The following FAT4 variants were observed in gnomAD, a reference collection of about 807,000 sequenced individuals.
FAT4 encodes the protein FAT atypical cadherin 4, also known as protocadherin Fat 4.
A neutral mutation model predicts 303.9 loss-of-function variants in FAT4; 84 were observed. The ratio of observed to expected loss-of-function variants is 0.28; its 90% CI spans 0.23 to 0.33. FAT4 has a LOEUF of 0.33. Among genes scored for constraint, FAT4 ranks in the 10% least tolerant of loss-of-function variants. FAT4 has a pLI of 1.00. For synonymous variants in FAT4, 2,307 were observed against 2,298.8 expected, an observed-to-expected ratio of 1.00 and a Z score of -0.10; for missense variants, 6,005 against 6,146.8, an observed-to-expected ratio of 0.98 and a Z score of 0.77.
intron 7 of FAT4, among the ~76,000 whole-genome samples, chr4:125,431,754 C>T (rs1305054515): frequency 6.6e-6 from 1 of 152,044 alleles, no homozygotes. Flanking sequence ...CCATCCTTTG[C>T]CTCTCTGGAA....
rs2126060805 is a variant in FAT4, at chr4:125,451,434, T to A, written c.10424T>A (p.Leu3475His). 1 of 1,614,140 alleles carries A rather than the reference T, an allele frequency of 6.2e-7. No individual in the cohort carries two copies. The highest frequency in any genetic ancestry group is 1.1e-5 in the South Asian group (1 of 91,084). Residue 3475 changes from leucine to histidine, a missense_variant, in exon 10 of 18, where the codon CTT (leucine) becomes CAT (histidine). Physicochemically the swap from Leu to His is moderately conservative, Grantham distance 99. Transcript: ENST00000394329. ...TVTAELDRETLPIYNLSVLAV... is the reference protein window; with the variant it reads ...TVTAELDRETHPIYNLSVLAV... ...ACTGCAGAATTAGATCGAGAAACCC[T>A]TCCCATCTATAATCTCTCAGTTTTG...
At chr4:125,462,112 T>C (rs929953349) in intron 10 of FAT4, among the ~76,000 whole-genome samples, 7 of 151,960 alleles carry the variant, frequency 4.6e-5, no homozygotes, top group African/African-American at 1.2e-4. Flanking sequence ...GAAAAAATGT[T>C]GTGTTTATGA....
intron 2 of FAT4, among the ~76,000 whole-genome samples, chr4:125,348,451 C>A (rs549907592): frequency 2.9e-4 from 44 of 151,658 alleles, no homozygotes; most frequent in Middle Eastern, 6.8e-3. Context: ...GTATCCCCAG[C>A]GCTGATCCTG....
At chr4:125,470,537 C>A (rs1416769100) in intron 12 of FAT4, among the ~76,000 whole-genome samples, 1 of 152,188 alleles carries the variant, frequency 6.6e-6, no homozygotes, top group Non-Finnish European at 1.5e-5. Flanking sequence ...GCTGCAGCTT[C>A]TATATCACCA....
At chr4:125,350,110 C>T (rs1184617825) in intron 2 of FAT4, among the ~76,000 whole-genome samples, 3 of 151,444 alleles carry the variant, frequency 2.0e-5, no homozygotes, top group African/African-American at 7.3e-5. Flanking sequence ...TATGATTTCT[C>T]TTGTGTAGGA....
chr4:125,446,412 G>A lies in FAT4; in HGVS notation c.7319G>A (p.Ser2440Asn). Reference sequence around the variant, plus strand: ...AATTATACTTTGGTAGTGGTCTGCAGTGATGCGGGATCCCCAGAGCCTCTT... The same window carrying A: ...AATTATACTTTGGTAGTGGTCTGCAATGATGCGGGATCCCCAGAGCCTCTT... The part of the protein sequence containing the change: ...KDNYTLVVVC[S>N]DAGSPEPLSS... The change falls in exon 9 of 18, where the codon AGT becomes AAT. Residue 2440 changes from serine to asparagine, a missense_variant. Ser to Asn is a conservative substitution (Grantham distance 46). Coordinates refer to ENST00000394329, the MANE Select transcript of FAT4 (RefSeq NM_001291303.3). The A allele has an allele frequency of 6.2e-7, 1 of 1,613,584 alleles. No homozygotes were observed. The highest frequency in any genetic ancestry group is 8.5e-7 in the Non-Finnish European group (1 of 1,179,610).
chr4:125,346,485 A>C (rs976915045), intron 2 of FAT4, among the ~76,000 whole-genome samples: 4 of 152,018 alleles, frequency 2.6e-5, no homozygotes, highest in African/African-American at 7.2e-5. Context: ...AGGGTAATGC[A>C]AACTATTGAA....
At chr4:125,390,324 C>T (rs1733933155) in intron 2 of FAT4, among the ~76,000 whole-genome samples, 1 of 152,140 alleles carries the variant, frequency 6.6e-6, no homozygotes, top group Non-Finnish European at 1.5e-5. Flanking sequence ...GAGCTTCTCA[C>T]TGCATTGTGG....
intron 8 of FAT4, among the ~76,000 whole-genome samples, chr4:125,436,250 A>C (rs1163231198): frequency 6.6e-6 from 1 of 152,150 alleles, no homozygotes; most frequent in African/African-American, 2.4e-5. Flanking sequence ...AATCAGAATC[A>C]TCTAAGTTTT....
intron 5 of FAT4, among the ~76,000 whole-genome samples, chr4:125,413,172 A>ATG (rs1316455171): frequency 3.3e-5 from 5 of 151,836 alleles, no homozygotes; most frequent in South Asian, 2.1e-4. Flanking sequence ...ATATATATAT[A>ATG]TGTGAAGATA....
chr4:125,325,796 G>T (rs1025932131), intron 2 of FAT4, among the ~76,000 whole-genome samples: 1 of 152,178 alleles, frequency 6.6e-6, no homozygotes, highest in African/African-American at 2.4e-5. Flanking sequence ...GTATGTGGTG[G>T]TGAAGAACAC....
intron 2 of FAT4, among the ~76,000 whole-genome samples, chr4:125,341,128 CTT>C (rs1199285982): frequency 2.6e-5 from 4 of 151,956 alleles, no homozygotes; most frequent in African/African-American, 9.7e-5. Flanking sequence ...ATAAGGCAAA[CTT>C]AACTGATTAA....
In FAT4 at chr4:125,487,645, A is replaced by G. The variant is rs757920780; in HGVS notation, c.13084+39A>G. 7.2e-6 allele frequency: 11 copies of G among 1,525,764 alleles called. No homozygotes were observed. In the South Asian group the frequency reaches 1.5e-4, roughly 20 times the overall value. 94.5% of individuals were successfully genotyped at this position (1,525,764 alleles called of 1,614,324 possible). ...TTAAGTAGAGTCACAAGGGAAGTAAAATTGTTCTTCAAAAAGTAATTGCTT... is the reference window on the plus strand; with the variant it reads ...TTAAGTAGAGTCACAAGGGAAGTAAGATTGTTCTTCAAAAAGTAATTGCTT... On this transcript the variant is annotated intron_variant, in intron 17 of 17. Coordinates refer to ENST00000394329, the MANE Select transcript of FAT4 (RefSeq NM_001291303.3).
intron 2 of FAT4, among the ~76,000 whole-genome samples, chr4:125,369,695 C>G (rs761080522): frequency 6.6e-6 from 1 of 152,118 alleles, no homozygotes; most frequent in Non-Finnish European, 1.5e-5. Flanking sequence ...AATTGCTCTG[C>G]AACTGTAGCC....
intron 2 of FAT4, among the ~76,000 whole-genome samples, chr4:125,391,800 A>T (rs1450748684): frequency 6.6e-6 from 1 of 152,206 alleles, no homozygotes; most frequent in Non-Finnish European, 1.5e-5. Context: ...AATTGCTTTA[A>T]AATATCATTG....
chr4:125,487,393 A>G lies in FAT4; in HGVS notation c.12871A>G (p.Lys4291Glu). The G allele has an allele frequency of 1.2e-6, 2 of 1,614,000 alleles. No homozygotes were observed. Among genetic ancestry groups the G allele is most frequent in the Non-Finnish European group, 1.7e-6 (2 of 1,179,856 alleles). ...YFTSDAGIAG[K>E]VERNIPEVYV... is the part of the protein sequence containing the mutation. ...TACATCCGATGCAGGAATTGCTGGG[A>G]AAGTGGAGAGAAATATTCCTGAAGT... Residue 4291 changes from lysine (K) to glutamate (E), a missense_variant, in exon 17 of 18, where the codon AAA becomes GAA. Transcript: ENST00000394329.
intron 2 of FAT4, among the ~76,000 whole-genome samples, chr4:125,350,004 T>C (rs918856545): frequency 1.3e-5 from 2 of 151,806 alleles, no homozygotes; most frequent in Non-Finnish European, 2.9e-5. Context: ...TTAATTTCAA[T>C]GAAATTTGGA....
chr4:125,421,985 A>T (rs1299691556), intron 7 of FAT4, among the ~76,000 whole-genome samples: 4 of 152,188 alleles, frequency 2.6e-5, no homozygotes, highest in Non-Finnish European at 5.9e-5. Flanking sequence ...TATGCAATTT[A>T]AAAAATATTT....
intron 2 of FAT4, among the ~76,000 whole-genome samples, chr4:125,324,859 A>G (rs896849725): frequency 6.6e-6 from 1 of 152,138 alleles, no homozygotes; most frequent in Non-Finnish European, 1.5e-5. Flanking sequence ...TCATTTTAAA[A>G]CTACATTATA....
Sources: gnomAD v4.1 joint callset for allele counts (sites outside exome capture counted in the v4.1 genomes callset) on GRCh38, gnomAD v4.1.1 for gene constraint, MANE v1.5 for transcripts, NCBI Gene and HGNC (gene_info 2026-07-23, HGNC 2026-07-21) for gene names.